ARHGAP10: variants seen among roughly 807,000 people sequenced by gnomAD.
ARHGAP10 encodes the protein rho GTPase-activating protein 10.
ARHGAP10 carries 87 observed loss-of-function variants against 108.6 expected under a neutral mutation model. The ratio of observed to expected loss-of-function variants is 0.80; its 90% CI spans 0.67 to 0.96. The LOEUF is 0.96. Ranked by LOEUF, ARHGAP10 falls within the 40% of genes least tolerant of loss-of-function variation. ARHGAP10 has a pLI of 0.00. For synonymous variants in ARHGAP10, 347 were observed against 341.1 expected (o/e 1.02, Z -0.19); for missense variants, 939 against 954.5 (o/e 0.98, Z 0.21).
In ARHGAP10 at chr4:147,913,118, A is replaced by G; in HGVS notation, c.1207A>G (p.Ile403Val). 1 of 1,613,970 alleles carries G rather than the reference A, an allele frequency of 6.2e-7. No homozygotes were observed. The highest frequency in any genetic ancestry group is 8.5e-7 in the Non-Finnish European group (1 of 1,179,878). The change falls in exon 13 of 23, where the codon ATC becomes GTC. Residue 403 changes from isoleucine (I) to valine (V), a missense_variant. Ile to Val is a conservative substitution (Grantham distance 29). Transcript: ENST00000336498. Reference protein sequence around the residue: ...KMGFTIIRKCISAVETRGIND... With the variant: ...KMGFTIIRKCVSAVETRGIND... ...GGGGTTCACAATTATCAGAAAATGCATCAGTGCCGTTGAAACACGAGGTAA... is the reference window on the plus strand; with the variant it reads ...GGGGTTCACAATTATCAGAAAATGCGTCAGTGCCGTTGAAACACGAGGTAA...
chr4:148,070,750 A>G (rs1485806603), intron 22 of ARHGAP10, among the ~76,000 whole-genome samples: 6 of 152,100 alleles, frequency 3.9e-5, no homozygotes, highest in African/African-American at 7.2e-5. Flanking sequence ...CTGGGTTGTG[A>G]TCAGAAGCCA....
chr4:147,867,029 C>T (rs1450582139), intron 7 of ARHGAP10, among the ~76,000 whole-genome samples: 1 of 152,106 alleles, frequency 6.6e-6, no homozygotes, highest in African/African-American at 2.4e-5. Flanking sequence ...GGCGGCTTTT[C>T]CTGCAGTTTC....
At chr4:147,869,494 C>G (rs1303591665) in intron 7 of ARHGAP10, among the ~76,000 whole-genome samples, 1 of 152,038 alleles carries the variant, frequency 6.6e-6, no homozygotes, top group Admixed American at 6.5e-5. Context: ...ACAAAATGAC[C>G]TGATTGGAAT....
intron 1 of ARHGAP10, among the ~76,000 whole-genome samples, chr4:147,822,410 C>G (rs1732538708): frequency 6.6e-6 from 1 of 152,172 alleles, no homozygotes; most frequent in Admixed American, 6.5e-5. Context: ...CAAGTCCTGA[C>G]TGGAGTGAGC....
intron 3 of ARHGAP10, among the ~76,000 whole-genome samples, chr4:147,839,424 G>A (rs530905519): frequency 6.6e-6 from 1 of 152,110 alleles, no homozygotes; most frequent in Non-Finnish European, 1.5e-5. Context: ...TCTGGGGAAC[G>A]GATGTAAAAT....
chr4:147,918,642 T>A (rs1737095282), intron 13 of ARHGAP10, among the ~76,000 whole-genome samples: 1 of 152,224 alleles, frequency 6.6e-6, no homozygotes. Context: ...TTCATCTCCC[T>A]AGCTGTCCAG....
At chr4:147,946,479 A>C in intron 14 of ARHGAP10, 138 bp from the exon 15 acceptor site, 1 of 617,324 alleles carries the variant, frequency 1.6e-6, no homozygotes, top group Non-Finnish European at 2.7e-6. Context: ...TTTTAGAGAA[A>C]TCATATATAT....
intron 19 of ARHGAP10, among the ~76,000 whole-genome samples, chr4:148,039,455 CTAA>C (rs1728536569): frequency 7.4e-6 from 1 of 135,692 alleles, no homozygotes; most frequent in Non-Finnish European, 1.5e-5. Flanking sequence ...CCACGCCTGG[CTAA>C]TTTTTTTTTC....
intron 13 of ARHGAP10, 126 bp from the exon 14 acceptor site, chr4:147,939,699 A>C (rs1738096581): frequency 1.2e-6 from 1 of 827,440 alleles, no homozygotes; most frequent in African/African-American, 1.7e-5. Context: ...ATTTTTTCAA[A>C]GGTTATTTTT....
intron 13 of ARHGAP10, among the ~76,000 whole-genome samples, chr4:147,933,075 ATTTTC>A (rs1737769211): frequency 1.3e-5 from 2 of 151,902 alleles, no homozygotes; most frequent in South Asian, 4.1e-4. Context: ...GATTTTCTGT[ATTTTC>A]TTGAAGTTTG....
At chr4:147,744,511 G>A (rs1196045135) in intron 1 of ARHGAP10, among the ~76,000 whole-genome samples, 5 of 152,120 alleles carry the variant, frequency 3.3e-5, no homozygotes, top group Non-Finnish European at 5.9e-5. Flanking sequence ...AAGCTTTCTC[G>A]GAGTGCAGTT....
chr4:148,018,094 G>T (rs1238363074), intron 18 of ARHGAP10, among the ~76,000 whole-genome samples: 1 of 152,100 alleles, frequency 6.6e-6, no homozygotes, highest in Admixed American at 6.5e-5. Context: ...AGTGTTTTTT[G>T]TCATTGGATT....
chr4:147,998,000 G>A (rs956315466), intron 18 of ARHGAP10, among the ~76,000 whole-genome samples: 1 of 152,064 alleles, frequency 6.6e-6, no homozygotes, highest in African/African-American at 2.4e-5. Flanking sequence ...AACTGAAATG[G>A]CAGGGCAAAA....
At chr4:147,970,003 A>G (rs1351769124) in intron 18 of ARHGAP10, among the ~76,000 whole-genome samples, 2 of 152,030 alleles carry the variant, frequency 1.3e-5, no homozygotes, top group South Asian at 4.2e-4. Flanking sequence ...AGGGTTGGAG[A>G]TGGGGGATGT....
chr4:148,067,219 A>C (rs995991580), intron 22 of ARHGAP10, among the ~76,000 whole-genome samples: 1 of 152,258 alleles, frequency 6.6e-6, no homozygotes, highest in African/African-American at 2.4e-5. Flanking sequence ...CAACAGCATT[A>C]GGCTTGCTGC....
At chr4:147,738,861 T>G (rs1177414647) in intron 1 of ARHGAP10, among the ~76,000 whole-genome samples, 2 of 152,116 alleles carry the variant, frequency 1.3e-5, no homozygotes, top group Non-Finnish European at 2.9e-5. Context: ...AAATTTTGAT[T>G]GTAGTTCGGG....
At chr4:147,888,958 G>A (rs1735681767) in intron 10 of ARHGAP10, among the ~76,000 whole-genome samples, 1 of 152,144 alleles carries the variant, frequency 6.6e-6, no homozygotes, top group Non-Finnish European at 1.5e-5. Flanking sequence ...TAAGAAATTT[G>A]TTCCTTGTCT....
At chr4:147,890,800 C>T (rs1560812051) in intron 10 of ARHGAP10, among the ~76,000 whole-genome samples, 1 of 152,020 alleles carries the variant, frequency 6.6e-6, no homozygotes, top group South Asian at 2.1e-4. Context: ...GGACTCCAGC[C>T]TGAGCAACAG....
At chr4:147,760,448 T>C (rs941339842) in intron 1 of ARHGAP10, among the ~76,000 whole-genome samples, 31 of 152,164 alleles carry the variant, frequency 2.0e-4, no homozygotes, top group African/African-American at 7.2e-4. Flanking sequence ...CACATCACTG[T>C]GTGCTGCTTG....
Sources: gnomAD v4.1 joint callset for allele counts (sites outside exome capture counted in the v4.1 genomes callset) on GRCh38, gnomAD v4.1.1 for gene constraint, MANE v1.5 for transcripts, NCBI Gene and HGNC (gene_info 2026-07-23, HGNC 2026-07-21) for gene names.